The following PPP6R3 variants were observed in gnomAD, a reference collection of about 807,000 sequenced individuals.
The protein encoded by PPP6R3 is protein phosphatase 6 regulatory subunit 3.
In PPP6R3, 38 loss-of-function variants were observed where a neutral mutation model predicts 110.7. The observed-to-expected ratio is 0.34, with a 90% CI of 0.26 to 0.45. The LOEUF is 0.45. Among genes scored for constraint, PPP6R3 ranks in the 20% least tolerant of loss-of-function variants. The probability of loss-of-function intolerance (pLI) is 1.00; values close to 1 mark genes in which losing one functional copy is unlikely to be tolerated. For missense variants in PPP6R3, 870 were observed against 1,062.4 expected, an observed-to-expected ratio of 0.82 and a Z score of 2.52; for synonymous variants, 369 against 373.5, an observed-to-expected ratio of 0.99 and a Z score of 0.14.
At position 68,524,567 on chromosome 11, in the gene PPP6R3, T is replaced by C. The variant is rs115769649; in HGVS notation, c.-7+4916T>C. ...ATATTAGAACTTTCTATTGGACTTA[T>C]AATGAACTGAAATCTTTGGACTTTT... On this transcript the variant is annotated intron_variant, in intron 2 of 23. Transcript: ENST00000393800. Among the ~76,000 whole-genome samples the C allele has an allele frequency of 8.0e-3, 1,217 of 152,338 alleles. 21 individuals carry two copies. Among genetic ancestry groups the C allele is most frequent in the African/African-American group, 0.027 (1,113 of 41,568 alleles).
intron 19 of PPP6R3, among the ~76,000 whole-genome samples, chr11:68,597,834 G>A (rs868507060): frequency 0.013 from 1,619 of 126,634 alleles, 32 homozygotes; most frequent in African/African-American, 0.045. Flanking sequence ...AAAAAAAAAA[G>A]CTGGGCATGG....
chr11:68,482,618 AC>A (rs967055198), intron 1 of PPP6R3, among the ~76,000 whole-genome samples: 7 of 151,986 alleles, frequency 4.6e-5, no homozygotes, highest in African/African-American at 1.7e-4. Flanking sequence ...GATATTGTAA[AC>A]TTTTTTATTC....
chr11:68,498,236 T>C (rs567173644), intron 1 of PPP6R3, among the ~76,000 whole-genome samples: 1 of 152,312 alleles, frequency 6.6e-6, no homozygotes, highest in South Asian at 2.1e-4. Flanking sequence ...TGTTAATACA[T>C]TTTAAAACTT....
rs113039036 is a variant in PPP6R3 at position 68,514,241 on chromosome 11, CT to C, written c.-157-5250del. On this transcript the variant is annotated intron_variant, in intron 1 of 23. Coordinates refer to ENST00000393800, the MANE Select transcript of PPP6R3 (RefSeq NM_001164161.2). Reference sequence around the variant, plus strand: ...TCCAAAGTCCAGCTAATGAAAAAAACTTTTTTTTTTGTAGGGGTGGGATCTC... The same window carrying C: ...TCCAAAGTCCAGCTAATGAAAAAAACTTTTTTTTTGTAGGGGTGGGATCTC... Among the ~76,000 whole-genome samples, 196 of 148,996 alleles carry C rather than the reference CT, an allele frequency of 1.3e-3. 2 individuals carry two copies. The highest frequency in any genetic ancestry group is 2.1e-3 in the Non-Finnish European group (140 of 66,924).
chr11:68,479,365 A>G (rs1396650957), intron 1 of PPP6R3, among the ~76,000 whole-genome samples: 1 of 152,180 alleles, frequency 6.6e-6, no homozygotes, highest in Non-Finnish European at 1.5e-5. Context: ...ACATGAGGTC[A>G]AGGTGGAATT....
chr11:68,541,831 G>A (rs746209853), intron 3 of PPP6R3, among the ~76,000 whole-genome samples: 5 of 152,062 alleles, frequency 3.3e-5, no homozygotes, highest in Admixed American at 6.6e-5. Flanking sequence ...CAGGAAGGAG[G>A]GGGGACAGTG....
chr11:68,470,062 T>A (rs1425135907), intron 1 of PPP6R3, among the ~76,000 whole-genome samples: 2 of 152,252 alleles, frequency 1.3e-5, no homozygotes, highest in Admixed American at 1.3e-4. Flanking sequence ...GTACTTACCA[T>A]GTCTTAAACA....
At chr11:68,612,359 C>T (rs1379038973) in intron 23 of PPP6R3, among the ~76,000 whole-genome samples, 1 of 152,130 alleles carries the variant, frequency 6.6e-6, no homozygotes, top group Non-Finnish European at 1.5e-5. Flanking sequence ...TGGAAAAGTG[C>T]TTGTGGGCAT....
At chr11:68,465,894 G>T (rs937786596) in intron 1 of PPP6R3, among the ~76,000 whole-genome samples, 1 of 152,206 alleles carries the variant, frequency 6.6e-6, no homozygotes, top group Non-Finnish European at 1.5e-5. Flanking sequence ...TCATTTATAA[G>T]AAATGATTAC....
intron 18 of PPP6R3, among the ~76,000 whole-genome samples, chr11:68,594,848 A>G (rs1476172480): frequency 1.3e-5 from 2 of 152,232 alleles, no homozygotes; most frequent in Non-Finnish European, 2.9e-5. Flanking sequence ...TTAAAACAGT[A>G]TGATATGGGC....
intron 1 of PPP6R3, among the ~76,000 whole-genome samples, chr11:68,493,363 A>G (rs550476376): frequency 1.3e-5 from 2 of 152,136 alleles, no homozygotes; most frequent in South Asian, 4.1e-4. Flanking sequence ...TGTATAAATA[A>G]TTTCTCCCTC....
chr11:68,493,638 A>AC, intron 1 of PPP6R3, among the ~76,000 whole-genome samples: 2 of 125,660 alleles, frequency 1.6e-5, no homozygotes, highest in East Asian at 4.4e-4. Flanking sequence ...TATATATATA[A>AC]AATATATATA....
intron 1 of PPP6R3, among the ~76,000 whole-genome samples, chr11:68,490,313 AC>A: frequency 6.6e-6 from 1 of 152,018 alleles, no homozygotes; most frequent in East Asian, 1.9e-4. Flanking sequence ...TGCCTTTGCT[AC>A]CCTGTAGGTA....
intron 3 of PPP6R3, among the ~76,000 whole-genome samples, chr11:68,542,420 G>A (rs968793649): frequency 1.3e-3 from 2 of 1,532 alleles, no homozygotes; most frequent in Non-Finnish European, 3.6e-3. Flanking sequence ...TTAAGACAGA[G>A]TCTTGCTCTG....
At position 68,600,415 on chromosome 11, in the gene PPP6R3, G is replaced by T; in HGVS notation, c.2113G>T (p.Asp705Tyr). ...TGCTCCATTGGATTCTGTGGGATCTGATGTCTGGAGCACAGAGGAGCCGAT... is the reference window on the plus strand; with the variant it reads ...TGCTCCATTGGATTCTGTGGGATCTTATGTCTGGAGCACAGAGGAGCCGAT... Reference protein sequence around the residue: ...HGAPLDSVGSDVWSTEEPMPT... With the variant: ...HGAPLDSVGSYVWSTEEPMPT... Residue 705 changes from aspartate (D) to tyrosine (Y), a missense_variant, in exon 20 of 24, where the codon GAT becomes TAT. Transcript: ENST00000393800. 6.2e-7 allele frequency: 1 copy of T among 1,614,174 alleles called. No homozygotes were observed. The highest frequency in any genetic ancestry group is 1.1e-5 in the South Asian group (1 of 91,076).
rs1490923188 is a variant in PPP6R3 at position 68,583,056 on chromosome 11, A to G, written c.1559A>G (p.His520Arg). The change falls in exon 15 of 24, where the codon CAT becomes CGT. Residue 520 changes from histidine (H) to arginine (R), a missense_variant. Transcript: ENST00000393800. Reference sequence around the variant, plus strand: ...TTATGCATATAGGTTACAACCTGCCATATTCATTCATCCAGTGATGATGAA... The same window carrying G: ...TTATGCATATAGGTTACAACCTGCCGTATTCATTCATCCAGTGATGATGAA... ...RNTVDLVTTC[H>R]IHSSSDDEID... 4.5e-6 allele frequency: 7 copies of G among 1,540,026 alleles called. No homozygotes were observed. The highest frequency in any genetic ancestry group is 3.5e-6 in the Non-Finnish European group (4 of 1,139,766).
chr11:68,518,897 A>G (rs1049621687), intron 1 of PPP6R3, among the ~76,000 whole-genome samples: 5 of 152,176 alleles, frequency 3.3e-5, no homozygotes, highest in African/African-American at 7.2e-5. Context: ...AATTCTAATT[A>G]GTTCAATGTC....
intron 20 of PPP6R3, among the ~76,000 whole-genome samples, chr11:68,600,734 G>A (rs2099629294): frequency 6.6e-6 from 1 of 152,234 alleles, no homozygotes; most frequent in Non-Finnish European, 1.5e-5. Context: ...AAAGTAGCTT[G>A]TGAGGATGCG....
At chr11:68,560,634 ACT>A (rs1444060223) in intron 8 of PPP6R3, among the ~76,000 whole-genome samples, 1 of 152,176 alleles carries the variant, frequency 6.6e-6, no homozygotes, top group African/African-American at 2.4e-5. Flanking sequence ...AGATGGAAGA[ACT>A]CTGTCAGAAT....
Sources: gnomAD v4.1 joint callset for allele counts (sites outside exome capture counted in the v4.1 genomes callset) on GRCh38, gnomAD v4.1.1 for gene constraint, MANE v1.5 for transcripts, NCBI Gene and HGNC (gene_info 2026-07-23, HGNC 2026-07-21) for gene names.